The following CYSTM1 variants were observed in gnomAD, a reference collection of about 807,000 sequenced individuals.
CYSTM1 encodes the protein cysteine rich transmembrane module containing 1.
A neutral mutation model predicts 13.1 loss-of-function variants in CYSTM1; 4 were observed. That is an observed-to-expected ratio of 0.31 (90% confidence interval 0.15 to 0.70). The LOEUF (loss-of-function observed/expected upper bound fraction) is 0.70, where lower values mean the gene tolerates loss of function less well. Among genes scored for constraint, CYSTM1 ranks in the 30% least tolerant of loss-of-function variants. The pLI, the probability that CYSTM1 is intolerant of heterozygous loss-of-function variation, is 0.72. For missense variants in CYSTM1, 96 were observed against 121.6 expected, an observed-to-expected ratio of 0.79 and a Z score of 0.99; for synonymous variants, 36 against 42.7, an observed-to-expected ratio of 0.84 and a Z score of 0.62.
At chr5:140,202,426 A>G (rs1387634429) in intron 2 of CYSTM1, 4 of 152,228 alleles carry the variant, frequency 2.6e-5, no homozygotes, top group Non-Finnish European at 4.4e-5. Flanking sequence ...GGCATTTGCC[A>G]TAGGTGGAAG....
chr5:140,189,282 A>G (rs957933808), intron 1 of CYSTM1, among the ~76,000 whole-genome samples: 1 of 152,012 alleles, frequency 6.6e-6, no homozygotes, highest in Non-Finnish European at 1.5e-5. Context: ...CTATTAGTCA[A>G]GTGAGATCTG....
chr5:140,195,030 A>G (rs1764138239), intron 2 of CYSTM1, among the ~76,000 whole-genome samples: 1 of 152,220 alleles, frequency 6.6e-6, no homozygotes, highest in Non-Finnish European at 1.5e-5. Context: ...TTGACCCTCA[A>G]GTCATCCTCT....
In CYSTM1 at chr5:140,243,610, C is replaced by T; in HGVS notation, c.*199C>T. ...CTTGATCTTTTTAATGTCCAAAATC[C>T]ATTTCTTATTGATCTTTAAAGATGT... On this transcript the variant is annotated 3_prime_UTR_variant, in exon 3 of 3. Coordinates refer to ENST00000261811, the MANE Select transcript of CYSTM1 (RefSeq NM_032412.4). 2 of 476,810 alleles carry T rather than the reference C, an allele frequency of 4.2e-6. No individual in the cohort carries two copies. Among genetic ancestry groups the T allele is most frequent in the Non-Finnish European group, 7.4e-6 (2 of 270,362 alleles). 29.5% of individuals were successfully genotyped at this position (476,810 alleles called of 1,614,324 possible).
At chr5:140,180,645 T>G (rs1763951463) in intron 1 of CYSTM1, among the ~76,000 whole-genome samples, 1 of 152,098 alleles carries the variant, frequency 6.6e-6, no homozygotes, top group African/African-American at 2.4e-5. Context: ...GAGATGTATG[T>G]GGAATATTAT....
At chr5:140,178,008 A>G (rs1354120523) in intron 1 of CYSTM1, among the ~76,000 whole-genome samples, 1 of 152,172 alleles carries the variant, frequency 6.6e-6, no homozygotes, top group Non-Finnish European at 1.5e-5. Flanking sequence ...CACCCCCACA[A>G]GTTTTCTCAT....
chr5:140,229,172 G>A (rs1764592908), intron 2 of CYSTM1, among the ~76,000 whole-genome samples: 1 of 151,936 alleles, frequency 6.6e-6, no homozygotes, highest in Non-Finnish European at 1.5e-5. Context: ...TGTTTTATAG[G>A]TGTGCAAATA....
At chr5:140,199,279 G>T (rs1348133640) in intron 2 of CYSTM1, among the ~76,000 whole-genome samples, 1 of 152,164 alleles carries the variant, frequency 6.6e-6, no homozygotes, top group Non-Finnish European at 1.5e-5. Context: ...CTGTGCATGT[G>T]TCTTTATAGT....
chr5:140,198,977 C>T (rs539061305), intron 2 of CYSTM1, among the ~76,000 whole-genome samples: 3 of 152,086 alleles, frequency 2.0e-5, no homozygotes, highest in Non-Finnish European at 4.4e-5. Flanking sequence ...CCCCGACAGG[C>T]CCCAGTGTGT....
At chr5:140,184,238 C>A (rs1422673105) in intron 1 of CYSTM1, among the ~76,000 whole-genome samples, 2 of 152,104 alleles carry the variant, frequency 1.3e-5, no homozygotes, top group Non-Finnish European at 2.9e-5. Context: ...CATGTTGGTG[C>A]TTTTTCATAT....
chr5:140,206,873 G>C (rs1418986839), intron 2 of CYSTM1, among the ~76,000 whole-genome samples: 1 of 152,110 alleles, frequency 6.6e-6, no homozygotes, highest in Admixed American at 6.6e-5. Flanking sequence ...GGACTCAAGT[G>C]ATCTGCCCGC....
chr5:140,216,277 G>A (rs1764425567), intron 2 of CYSTM1, among the ~76,000 whole-genome samples: 1 of 152,210 alleles, frequency 6.6e-6, no homozygotes, highest in South Asian at 2.1e-4. Flanking sequence ...GTATCACACA[G>A]TTGATGTCAT....
Position 140,199,038 on chromosome 5 carries a change from T to C in CYSTM1, c.187+4386T>C, listed in dbSNP as rs571564563. ...GTTCTCTTTGTTCAGCTCCCACTTA[T>C]GAGTAAGAACATGTGGTGTTTGGTT... On this transcript the variant is annotated intron_variant, in intron 2 of 2. Transcript: ENST00000261811. 7.2e-5 allele frequency among the ~76,000 whole-genome samples: 11 copies of C among 152,226 alleles called. No individual in the cohort carries two copies. In the East Asian group the frequency reaches 1.5e-3, roughly 21 times the overall value.
At position 140,219,844 on chromosome 5, in the gene CYSTM1, G is replaced by A. The variant is rs1004431006; in HGVS notation, c.188-23461G>A. On this transcript the variant is annotated intron_variant, in intron 2 of 2. Transcript: ENST00000261811. The surrounding 1 kb of genome is among the most constrained non-coding windows in gnomAD (Gnocchi z 4.1). ...AATCAGGCTAACATTGACGATAACAGAGTAGTCTGTGCCTGCCTGTGCCTG... is the reference window on the plus strand; with the variant it reads ...AATCAGGCTAACATTGACGATAACAAAGTAGTCTGTGCCTGCCTGTGCCTG... Among the ~76,000 whole-genome samples the A allele has an allele frequency of 3.3e-5, 5 of 152,204 alleles. No individual in the cohort carries two copies. Among genetic ancestry groups the A allele is most frequent in the Admixed American group, 3.3e-4 (5 of 15,280 alleles).
At chr5:140,182,921 C>T (rs1016709452) in intron 1 of CYSTM1, among the ~76,000 whole-genome samples, 1 of 152,206 alleles carries the variant, frequency 6.6e-6, no homozygotes, top group Admixed American at 6.5e-5. Flanking sequence ...TAAGAGCCAC[C>T]CCGCAGTGCT....
rs987421376 is a variant in CYSTM1 at position 140,239,858 on chromosome 5, TCCAC to T, written c.188-3445_188-3442del. Among the ~76,000 whole-genome samples, 3 of 152,118 alleles carry T rather than the reference TCCAC, an allele frequency of 2.0e-5. No individual in the cohort carries two copies. Among genetic ancestry groups the T allele is most frequent in the African/African-American group, 7.2e-5 (3 of 41,426 alleles). Reference sequence around the variant, plus strand: ...AGGGTCCCCTGGACCTGACCCCCACTCCACCTGTAGTCCCCTAGGAATAGTCCCT... The same window carrying T: ...AGGGTCCCCTGGACCTGACCCCCACTCTGTAGTCCCCTAGGAATAGTCCCT... On this transcript the variant is annotated intron_variant, in intron 2 of 2. Coordinates refer to ENST00000261811, the MANE Select transcript of CYSTM1 (RefSeq NM_032412.4). The surrounding 1 kb of genome is among the most constrained non-coding windows in gnomAD (Gnocchi z 5.4).
intron 2 of CYSTM1, among the ~76,000 whole-genome samples, chr5:140,197,661 G>C (rs1482633225): frequency 6.6e-6 from 1 of 152,152 alleles, no homozygotes; most frequent in African/African-American, 2.4e-5. Flanking sequence ...TTCTCATGCT[G>C]TGTATCTGAG....
At chr5:140,184,447 G>T (rs1479872670) in intron 1 of CYSTM1, among the ~76,000 whole-genome samples, 3 of 151,100 alleles carry the variant, frequency 2.0e-5, no homozygotes, top group Non-Finnish European at 2.9e-5. Context: ...AATTCCTAAA[G>T]GTAGAATTGC....
intron 2 of CYSTM1, among the ~76,000 whole-genome samples, chr5:140,208,263 T>TA (rs1193576589): frequency 3.9e-5 from 6 of 152,176 alleles, no homozygotes; most frequent in Admixed American, 2.6e-4. Context: ...TATTCAGTCA[T>TA]AAAAAAGAAT....
chr5:140,226,609 TATAA>T lies in CYSTM1; in HGVS notation c.188-16694_188-16691del, dbSNP rs1181622759. ...TATTATATATATATATATATATATA[TATAA>T]AAATTAGCCAGATGTGATGGCGCAT... On this transcript the variant is annotated intron_variant, in intron 2 of 2. Transcript: ENST00000261811. Among the ~76,000 whole-genome samples the T allele has an allele frequency of 1.2e-3, 141 of 112,822 alleles. 2 individuals are homozygous for T. The highest frequency in any genetic ancestry group is 4.3e-3 in the African/African-American group (121 of 27,936). 74.0% of individuals were successfully genotyped at this position (112,822 alleles called of 152,430 possible). A position where few individuals can be genotyped will look rare whatever the true frequency, so the allele number is the denominator to read the frequency against.
Sources: allele counts gnomAD v4.1 joint callset (sites outside exome capture counted in the v4.1 genomes callset), GRCh38; gene constraint gnomAD v4.1.1; non-coding constraint Gnocchi (gnomAD v3.1); transcripts MANE v1.5; gene names NCBI Gene and HGNC (gene_info 2026-07-23, HGNC 2026-07-21).